The following CCSER1 variants were observed in gnomAD, a reference collection of about 807,000 sequenced individuals.
The protein encoded by CCSER1 is serine-rich coiled-coil domain-containing protein 1.
CCSER1 carries 41 observed loss-of-function variants against 82.0 expected under a neutral mutation model. The observed-to-expected ratio is 0.50, with a 90% CI of 0.39 to 0.65. The LOEUF is 0.65. Among genes scored for constraint, CCSER1 ranks in the 30% least tolerant of loss-of-function variants. The pLI is 0.00. For missense variants in CCSER1, 1,119 were observed against 1,064.2 expected, an observed-to-expected ratio of 1.05 and a Z score of -0.72; for synonymous variants, 414 against 383.9, an observed-to-expected ratio of 1.08 and a Z score of -0.92.
At chr4:91,260,059 G>T (rs1331691254) in intron 10 of CCSER1, among the ~76,000 whole-genome samples, 1 of 152,138 alleles carries the variant, frequency 6.6e-6, no homozygotes, top group African/African-American at 2.4e-5. Context: ...TTCACAGAGG[G>T]ACAAAAGTCA....
At chr4:91,469,565 G>A (rs1386449313) in intron 10 of CCSER1, among the ~76,000 whole-genome samples, 2 of 152,064 alleles carry the variant, frequency 1.3e-5, no homozygotes, top group African/African-American at 2.4e-5. Flanking sequence ...TAAAAGATTA[G>A]GGTGAAAGAG....
intron 7 of CCSER1, 35 bp downstream of exon 7, chr4:90,724,026 A>C: frequency 7.9e-7 from 1 of 1,261,160 alleles, no homozygotes; most frequent in South Asian, 1.3e-5. Flanking sequence ...ATTTATAAAA[A>C]TATTAGGATA....
chr4:90,924,605 A>G lies in CCSER1; in HGVS notation c.2172+1158A>G, dbSNP rs554440827. On this transcript the variant is annotated intron_variant, in intron 9 of 10. Coordinates refer to ENST00000509176, the MANE Select transcript of CCSER1 (RefSeq NM_001145065.2). ...TGTATGTTACTTAAATTATGTTGACATCTATTTTTAAAAAGAAATAATTTT... is the reference window on the plus strand; with the variant it reads ...TGTATGTTACTTAAATTATGTTGACGTCTATTTTTAAAAAGAAATAATTTT... 3.9e-5 allele frequency among the ~76,000 whole-genome samples: 6 copies of G among 152,324 alleles called. No homozygotes were observed. The East Asian group carries it at 9.6e-4, about 24-fold the overall frequency.
intron 7 of CCSER1, chr4:90,781,745 G>T (rs1753808010): frequency 1.0e-6 from 1 of 969,588 alleles, no homozygotes; most frequent in Non-Finnish European, 1.2e-6. Context: ...TTGCAAGTAT[G>T]AAAACCTGTC....
intron 10 of CCSER1, among the ~76,000 whole-genome samples, chr4:91,096,134 G>C (rs1174369495): frequency 6.6e-6 from 1 of 152,192 alleles, no homozygotes; most frequent in Non-Finnish European, 1.5e-5. Flanking sequence ...CCTTTCCACT[G>C]TATGTCCATC....
At chr4:90,294,928 A>G (rs563199733) in intron 1 of CCSER1, among the ~76,000 whole-genome samples, 1 of 151,994 alleles carries the variant, frequency 6.6e-6, no homozygotes, top group East Asian at 1.9e-4. Flanking sequence ...TTGATAATAA[A>G]TTTTGAATTG....
At chr4:91,233,909 A>G (rs1448774349) in intron 10 of CCSER1, among the ~76,000 whole-genome samples, 1 of 151,950 alleles carries the variant, frequency 6.6e-6, no homozygotes, top group African/African-American at 2.4e-5. Flanking sequence ...AATTACTAAT[A>G]TATTCAAAAT....
chr4:91,380,630 CT>C (rs1297566318), intron 10 of CCSER1, among the ~76,000 whole-genome samples: 22 of 152,060 alleles, frequency 1.4e-4, no homozygotes, highest in African/African-American at 5.3e-4. Flanking sequence ...TATTTTGAGC[CT>C]TTGTGTGTCT....
intron 8 of CCSER1, among the ~76,000 whole-genome samples, chr4:90,846,170 C>A (rs1299642251): frequency 6.6e-6 from 1 of 152,216 alleles, no homozygotes; most frequent in South Asian, 2.1e-4. Context: ...TGGCAGATTT[C>A]TCCATTGCCC....
At chr4:90,788,103 A>G (rs891669983) in intron 7 of CCSER1, among the ~76,000 whole-genome samples, 2 of 152,192 alleles carry the variant, frequency 1.3e-5, no homozygotes, top group Admixed American at 1.3e-4. Flanking sequence ...ATCAATTTCT[A>G]ATATTATCCT....
intron 10 of CCSER1, among the ~76,000 whole-genome samples, chr4:91,406,899 C>G (rs1236915720): frequency 6.6e-6 from 1 of 151,998 alleles, no homozygotes; most frequent in Admixed American, 6.6e-5. Flanking sequence ...AAAAAACAAC[C>G]TTTGTTTATT....
chr4:91,313,488 G>C (rs778834724), intron 10 of CCSER1, among the ~76,000 whole-genome samples: 10 of 151,658 alleles, frequency 6.6e-5, no homozygotes, highest in Non-Finnish European at 1.3e-4. Context: ...GGAGTTGTCT[G>C]TTATAATCAT....
chr4:90,727,026 A>C (rs1162844273), intron 7 of CCSER1, among the ~76,000 whole-genome samples: 1 of 152,174 alleles, frequency 6.6e-6, no homozygotes, highest in Non-Finnish European at 1.5e-5. Context: ...TACACATAAT[A>C]AACTCCAGAT....
At chr4:90,463,075 T>G (rs1197813561) in intron 4 of CCSER1, among the ~76,000 whole-genome samples, 1 of 152,172 alleles carries the variant, frequency 6.6e-6, no homozygotes, top group African/African-American at 2.4e-5. Flanking sequence ...TACTTTAGGA[T>G]ATTGATAATT....
chr4:90,438,160 C>A (rs1413720374), intron 4 of CCSER1, among the ~76,000 whole-genome samples: 1 of 152,094 alleles, frequency 6.6e-6, no homozygotes, highest in Non-Finnish European at 1.5e-5. Context: ...GATGTTATTA[C>A]TAAGGCAGTG....
At chr4:91,343,488 G>T (rs1747857676) in intron 10 of CCSER1, among the ~76,000 whole-genome samples, 1 of 152,078 alleles carries the variant, frequency 6.6e-6, no homozygotes, top group Non-Finnish European at 1.5e-5. Flanking sequence ...ATTTTCTAGA[G>T]ATAAAAGTAA....
At chr4:90,167,363 G>A (rs1730667219) in intron 1 of CCSER1, among the ~76,000 whole-genome samples, 1 of 152,046 alleles carries the variant, frequency 6.6e-6, no homozygotes, top group Admixed American at 6.5e-5. Flanking sequence ...TGTCAATAAA[G>A]TTGTACATTT....
At chr4:90,827,510 C>G (rs928674068) in intron 8 of CCSER1, among the ~76,000 whole-genome samples, 1 of 152,164 alleles carries the variant, frequency 6.6e-6, no homozygotes, top group Non-Finnish European at 1.5e-5. Flanking sequence ...GAATCACCTA[C>G]AGCCACTTCT....
intron 10 of CCSER1, among the ~76,000 whole-genome samples, chr4:91,345,430 A>G (rs1747991087): frequency 6.6e-6 from 1 of 152,146 alleles, no homozygotes; most frequent in African/African-American, 2.4e-5. Flanking sequence ...TATGAGCAAT[A>G]TGATCAATTT....
Sources: gnomAD v4.1 joint callset for allele counts (sites outside exome capture counted in the v4.1 genomes callset) on GRCh38, gnomAD v4.1.1 for gene constraint, MANE v1.5 for transcripts, NCBI Gene and HGNC (gene_info 2026-07-23, HGNC 2026-07-21) for gene names.